Variants in C2CD2L observed in about 807,000 individuals in gnomAD.
The protein encoded by C2CD2L is C2CD2 like.
In C2CD2L, 24 loss-of-function variants were observed where a neutral mutation model predicts 69.9. The ratio of observed to expected loss-of-function variants is 0.34; its 90% CI spans 0.25 to 0.48. The LOEUF (loss-of-function observed/expected upper bound fraction) is 0.48. Among genes scored for constraint, C2CD2L ranks in the 20% least tolerant of loss-of-function variants. The pLI, the probability that C2CD2L is intolerant of heterozygous loss-of-function variation, is 0.99. For missense variants in C2CD2L, 811 were observed against 941.5 expected (o/e 0.86, Z 1.81); for synonymous variants, 367 against 391.0 (o/e 0.94, Z 0.72).
In C2CD2L at chr11:119,112,795, C is replaced by A. The variant is rs1946785093; in HGVS notation, c.1308C>A (p.Asp436Glu). 2 of 1,614,004 alleles carry A rather than the reference C, an allele frequency of 1.2e-6. No homozygotes were observed. Among genetic ancestry groups the A allele is most frequent in the African/African-American group, 1.3e-5 (1 of 74,930 alleles). ...SITPTKKIEL[D>E]RTIMPDGTIV... ...CACCTACCAAGAAGATTGAGCTTGA[C>A]CGGACCATCATGCCCGATGGCACCA... is the stretch of plus-strand genomic sequence containing the variant. The change falls in exon 10 of 14, where the codon GAC (aspartate) becomes GAA (glutamate). Residue 436 changes from aspartate to glutamate, a missense_variant. Transcript: ENST00000648610.
Position 119,112,812 on chromosome 11 carries a change from A to C in C2CD2L, c.1325A>C (p.Asp442Ala). ...GAGCTTGACCGGACCATCATGCCCG[A>C]TGGCACCATTGTCACCACAGTCACC... is the stretch of plus-strand genomic sequence containing the variant. ...KIELDRTIMP[D>A]GTIVTTVTTV... The change falls in exon 10 of 14, where the codon GAT (aspartate) becomes GCT (alanine). Residue 442 changes from aspartate to alanine, a missense_variant. Asp to Ala is a moderately radical substitution (Grantham distance 126, BLOSUM62 -2). Transcript: ENST00000648610. 6.2e-7 allele frequency: 1 copy of C among 1,614,060 alleles called. No individual in the cohort carries two copies. Among genetic ancestry groups the C allele is most frequent in the Non-Finnish European group, 8.5e-7 (1 of 1,179,964 alleles).
upstream of C2CD2L, among the ~76,000 whole-genome samples, chr11:119,103,235 T>C (rs1447881528): frequency 6.6e-6 from 1 of 152,160 alleles, no homozygotes; most frequent in Non-Finnish European, 1.5e-5. Flanking sequence ...GACAGGCTCT[T>C]AGGCGGCAAA....
rs1413077482 is a variant in C2CD2L, at chr11:119,107,640, C to T, written c.-102C>T. 4 of 654,920 alleles carry T rather than the reference C, an allele frequency of 6.1e-6. No homozygotes were observed. The highest frequency in any genetic ancestry group is 3.2e-5 in the South Asian group (1 of 30,938). 40.6% of individuals were successfully genotyped at this position (654,920 alleles called of 1,614,324 possible). On this transcript the variant is annotated 5_prime_UTR_variant, in exon 1 of 14. Transcript: ENST00000648610. The surrounding 1 kb of genome is among the most constrained non-coding windows in gnomAD (Gnocchi z 5.4). ...AGAGCCCCCGACCCCGCGCGCCCAGCCCCGGGGGAGCCCACCTCCTCCCCG... is the reference window on the plus strand; with the variant it reads ...AGAGCCCCCGACCCCGCGCGCCCAGTCCCGGGGGAGCCCACCTCCTCCCCG...
At chr11:119,112,062 G>C (rs987215332) in intron 7 of C2CD2L, 6 of 514,378 alleles carry the variant, frequency 1.2e-5, no homozygotes, top group African/African-American at 9.7e-5. Context: ...AATGAAAGAG[G>C]GTGGCTTGCA....
At chr11:119,102,309 G>A (rs1228702295), upstream of C2CD2L, 8 of 471,916 alleles carry the variant, frequency 1.7e-5, no homozygotes, top group Non-Finnish European at 3.5e-5. Flanking sequence ...TGGGGAGGAG[G>A]GACGAGGGTG....
At position 119,111,132 on chromosome 11, in the gene C2CD2L, G is replaced by A; in HGVS notation, c.762G>A (p.Met254Ile). Residue 254 changes from methionine (M) to isoleucine (I), a missense_variant, in exon 5 of 14, where the codon ATG (methionine) becomes ATA (isoleucine). Met to Ile is a conservative substitution (Grantham distance 10, BLOSUM62 1). Coordinates refer to ENST00000648610, the MANE Select transcript of C2CD2L (RefSeq NM_001290474.2). ...DAIVSTQPAM[M>I]VNLRACSAPG... ...TAGTCAGCACCCAGCCAGCCATGAT[G>A]GTCAACCTCAGGGCTTGCTCTGCCC... 1 of 1,613,966 alleles carries A rather than the reference G, an allele frequency of 6.2e-7. No homozygotes were observed. The highest frequency in any genetic ancestry group is 8.5e-7 in the Non-Finnish European group (1 of 1,180,024).
At chr11:119,112,173 A>G in intron 7 of C2CD2L, 155 bp from the exon 8 acceptor site, 1 of 663,416 alleles carries the variant, frequency 1.5e-6, no homozygotes, top group Non-Finnish European at 2.6e-6. Context: ...TTCTCTTGGG[A>G]CGAGAGAGAA....
intron 10 of C2CD2L, 73 bp from the exon 11 acceptor site, chr11:119,113,538 C>T: frequency 6.6e-7 from 1 of 1,520,520 alleles, no homozygotes; most frequent in South Asian, 1.3e-5. Flanking sequence ...AAGTCTGCAT[C>T]TCAACAAAGA....
At chr11:119,108,321 A>T (rs1946645193) in intron 1 of C2CD2L, 3 of 494,038 alleles carry the variant, frequency 6.1e-6, no homozygotes, top group Non-Finnish European at 1.1e-5. Context: ...TCTGGTTCCA[A>T]ACCCATGCAC....
At chr11:119,111,985 CT>C (rs1200481830) in intron 7 of C2CD2L, 1 of 440,130 alleles carries the variant, frequency 2.3e-6, no homozygotes. Flanking sequence ...TTAAACCACA[CT>C]TTAGAGCAAG....
Position 119,114,254 on chromosome 11 carries a change from G to A in C2CD2L, c.1798G>A (p.Ala600Thr). 6.2e-7 allele frequency: 1 copy of A among 1,614,184 alleles called. No individual in the cohort carries two copies. The highest frequency in any genetic ancestry group is 8.5e-7 in the Non-Finnish European group (1 of 1,180,024). Reference sequence around the variant, plus strand: ...CTCTAGTCCCACAAGTGTCCAGGAAGCAGACGAGACAACCCGTTCGGATAT... The same window carrying A: ...CTCTAGTCCCACAAGTGTCCAGGAAACAGACGAGACAACCCGTTCGGATAT... ...ALSSPTSVQEADETTRSDISE... is the reference protein window; with the variant it reads ...ALSSPTSVQETDETTRSDISE... Residue 600 changes from alanine to threonine, a missense_variant, in exon 13 of 14, where the codon GCA (alanine) becomes ACA (threonine). Transcript: ENST00000648610. This position sits in a 1 kb window ranked among gnomAD's most constrained non-coding sequence, Gnocchi z 5.1.
At position 119,118,171 on chromosome 11, in the gene C2CD2L, C is replaced by T. The variant is rs2134983754; in HGVS notation, c.*1915C>T. The stretch of plus-strand genomic sequence containing the variant: ...TGCATGCATAGAGGTGAAGTCTGGG[C>T]TTTTTTTAGTGTGCGCATCGCCCAA... On this transcript the variant is annotated 3_prime_UTR_variant, in exon 14 of 14. Transcript: ENST00000648610. 6.6e-6 allele frequency: 1 copy of T among 152,096 alleles called. No individual in the cohort carries two copies. Among genetic ancestry groups the T allele is most frequent in the East Asian group, 1.9e-4 (1 of 5,178 alleles). 9.4% of individuals were successfully genotyped at this position (152,096 alleles called of 1,614,324 possible).
In C2CD2L at chr11:119,110,063, A is replaced by C. The variant is rs1245512123; in HGVS notation, c.355-41A>C. ...TGAGCAGGCCAACCCTGTGGGGGGC[A>C]GCTCCAGAGACCTGATCCAATGCCC... On this transcript the variant is annotated intron_variant, in intron 1 of 13. Transcript: ENST00000648610. The surrounding 1 kb of genome is among the most constrained non-coding windows in gnomAD (Gnocchi z 5.7). The C allele has an allele frequency of 1.4e-6, 2 of 1,418,282 alleles. No individual in the cohort carries two copies. 87.9% of individuals were successfully genotyped at this position (1,418,282 alleles called of 1,614,324 possible).
In C2CD2L at chr11:119,116,261, C is replaced by T. The variant is rs764738242; in HGVS notation, c.*5C>T. On this transcript the variant is annotated 3_prime_UTR_variant, in exon 14 of 14. Transcript: ENST00000648610. ...AACCCCAGCCCCCAGCTCTGAGGACCCAGCTCTGAAAGGGCACGAGTTCTC... is the reference window on the plus strand; with the variant it reads ...AACCCCAGCCCCCAGCTCTGAGGACTCAGCTCTGAAAGGGCACGAGTTCTC... 1.8e-4 allele frequency: 284 copies of T among 1,609,004 alleles called. 1 individual carries two copies. The highest frequency in any genetic ancestry group is 1.3e-4 in the Non-Finnish European group (147 of 1,175,450).
At chr11:119,111,497 C>A (rs752158483) in intron 6 of C2CD2L, 24 bp from the exon 7 acceptor site, 2 of 1,610,954 alleles carry the variant, frequency 1.2e-6, no homozygotes, top group South Asian at 1.1e-5. Context: ...ATCTGAGCAT[C>A]TTCTAACTTC....
At position 119,116,013 on chromosome 11, in the gene C2CD2L, T is replaced by C. The variant is rs751270368; in HGVS notation, c.1910-32T>C. The C allele has an allele frequency of 1.1e-5, 15 of 1,396,438 alleles. No homozygotes were observed. In the African/African-American group the frequency reaches 1.3e-4, roughly 12 times the overall value. 86.5% of individuals were successfully genotyped at this position (1,396,438 alleles called of 1,614,324 possible). A position where few individuals can be genotyped will look rare whatever the true frequency, so the allele number is the denominator to read the frequency against. ...CCCGTCTCACCCCACCCCGTGCCCCTCTCTGCCTCAGCTTCCCCTCTTCCC... is the reference window on the plus strand; with the variant it reads ...CCCGTCTCACCCCACCCCGTGCCCCCCTCTGCCTCAGCTTCCCCTCTTCCC... On this transcript the variant is annotated intron_variant, in intron 13 of 13. Transcript: ENST00000648610.
In C2CD2L at chr11:119,110,057, G is replaced by A. The variant is rs780334997; in HGVS notation, c.355-47G>A. 3.6e-6 allele frequency: 5 copies of A among 1,387,280 alleles called. No homozygotes were observed. The Admixed American group carries it at 5.0e-5, about 14-fold the overall frequency. The allele number at this position is 1,387,280 out of a possible 1,614,324, so 85.9% of individuals were successfully genotyped here. On this transcript the variant is annotated intron_variant, in intron 1 of 13. Transcript: ENST00000648610. This position sits in a 1 kb window ranked among gnomAD's most constrained non-coding sequence, Gnocchi z 5.7. The stretch of plus-strand genomic sequence containing the variant: ...AGCAACTGAGCAGGCCAACCCTGTG[G>A]GGGGCAGCTCCAGAGACCTGATCCA...
At chr11:119,107,277 A>C (rs1946608755), upstream of C2CD2L, 1 of 152,390 alleles carries the variant, frequency 6.6e-6, no homozygotes, top group Admixed American at 6.5e-5. The surrounding 1 kb of genome is among the most constrained non-coding windows in gnomAD (Gnocchi z 5.4). Flanking sequence ...AGGGAGCGCC[A>C]GGCTGTCCTG....
chr11:119,103,183 G>A (rs1399821317), upstream of C2CD2L, among the ~76,000 whole-genome samples: 4 of 152,066 alleles, frequency 2.6e-5, no homozygotes, highest in African/African-American at 9.7e-5. Context: ...GAGCCACCAC[G>A]CCCAGCCAGT....
Sources: gnomAD v4.1 joint callset for allele counts (sites outside exome capture counted in the v4.1 genomes callset) on GRCh38, gnomAD v4.1.1 for gene constraint, Gnocchi (gnomAD v3.1) non-coding constraint, MANE v1.5 for transcripts, NCBI Gene and HGNC (gene_info 2026-07-23, HGNC 2026-07-21) for gene names.